The following KIAA0825 variants were observed in gnomAD, a reference collection of about 807,000 sequenced individuals.
The protein encoded by KIAA0825 is uncharacterized protein KIAA0825.
A neutral mutation model predicts 147.6 loss-of-function variants in KIAA0825; 119 were observed. That is an observed-to-expected ratio of 0.81 (90% CI 0.69 to 0.94). The LOEUF (loss-of-function observed/expected upper bound fraction) is 0.94, where lower values mean the gene tolerates loss of function less well. Among genes scored for constraint, KIAA0825 ranks in the 40% least tolerant of loss-of-function variants. The probability of loss-of-function intolerance (pLI) is 0.00; values close to 1 mark genes in which losing one functional copy is unlikely to be tolerated. For synonymous variants in KIAA0825, 470 were observed against 518.1 expected (o/e 0.91, Z 1.26); for missense variants, 1,381 against 1,472.7 (o/e 0.94, Z 1.02).
intron 20 of KIAA0825, among the ~76,000 whole-genome samples, chr5:94,155,768 T>C (rs775539649): frequency 6.6e-5 from 10 of 152,208 alleles, no homozygotes; most frequent in Non-Finnish European, 1.3e-4. Context: ...TTTCTCCACG[T>C]TTCCATATGG....
chr5:94,471,962 C>G (rs917939348), intron 8 of KIAA0825, among the ~76,000 whole-genome samples: 2 of 152,230 alleles, frequency 1.3e-5, no homozygotes, highest in East Asian at 3.9e-4. Flanking sequence ...TTATGCTTAC[C>G]AGACAGACAT....
chr5:94,166,488 G>A (rs1206677440), intron 20 of KIAA0825, among the ~76,000 whole-genome samples: 1 of 145,276 alleles, frequency 6.9e-6, no homozygotes, highest in Non-Finnish European at 1.5e-5. Flanking sequence ...AATAATTCAT[G>A]TCCTTCCTCT....
At chr5:94,364,346 C>T (rs894500243) in intron 20 of KIAA0825, among the ~76,000 whole-genome samples, 4 of 151,418 alleles carry the variant, frequency 2.6e-5, no homozygotes, top group East Asian at 3.9e-4. Flanking sequence ...GTCATTAACA[C>T]GGAGCTCTCA....
At chr5:94,568,024 CA>C in intron 2 of KIAA0825, 1 of 163,588 alleles carries the variant, frequency 6.1e-6, no homozygotes, top group South Asian at 1.9e-4. Flanking sequence ...AAAATGACAT[CA>C]AAAAAATCGT....
intron 12 of KIAA0825, among the ~76,000 whole-genome samples, chr5:94,461,990 A>G (rs1042581696): frequency 6.6e-6 from 1 of 151,892 alleles, no homozygotes; most frequent in Non-Finnish European, 1.5e-5. Flanking sequence ...TTCTATTTCC[A>G]TTTGCCATTG....
intron 5 of KIAA0825, among the ~76,000 whole-genome samples, chr5:94,499,053 C>G (rs1302938944): frequency 1.3e-5 from 2 of 152,190 alleles, no homozygotes; most frequent in Non-Finnish European, 2.9e-5. Context: ...GAAGACACCA[C>G]ATAAAATCAG....
intron 20 of KIAA0825, among the ~76,000 whole-genome samples, chr5:94,361,459 T>C (rs1745051527): frequency 6.6e-6 from 1 of 152,208 alleles, no homozygotes; most frequent in South Asian, 2.1e-4. Flanking sequence ...CTGAACACTT[T>C]GGGGAAATTT....
intron 20 of KIAA0825, among the ~76,000 whole-genome samples, chr5:94,171,070 G>T (rs966089020): frequency 6.6e-6 from 1 of 152,178 alleles, no homozygotes; most frequent in Non-Finnish European, 1.5e-5. Flanking sequence ...TTTGATAGGA[G>T]TGTGATATGG....
At chr5:94,327,226 G>GT (rs981317553) in intron 20 of KIAA0825, among the ~76,000 whole-genome samples, 27 of 152,100 alleles carry the variant, frequency 1.8e-4, no homozygotes, top group African/African-American at 6.3e-4. Flanking sequence ...CAGGGTGCAT[G>GT]TTTCTATGTA....
intron 12 of KIAA0825, among the ~76,000 whole-genome samples, chr5:94,454,598 A>T (rs1052264400): frequency 1.3e-5 from 2 of 152,224 alleles, no homozygotes; most frequent in African/African-American, 4.8e-5. Context: ...GAGCTAGAGA[A>T]GTAGGCAGAA....
intron 1 of KIAA0825, among the ~76,000 whole-genome samples, chr5:94,608,745 A>G (rs1490630977): frequency 6.6e-6 from 1 of 151,096 alleles, no homozygotes; most frequent in Non-Finnish European, 1.5e-5. Context: ...TTTGTTGCCA[A>G]TGATAAAATT....
chr5:94,468,876 T>C (rs7706808), intron 10 of KIAA0825, among the ~76,000 whole-genome samples: 15,108 of 152,170 alleles, frequency 0.099, 887 homozygotes, highest in Middle Eastern at 0.15. Flanking sequence ...AAGGGTAAAA[T>C]GGAAAAGTTA....
chr5:94,412,105 C>G (rs1207518336), intron 15 of KIAA0825, among the ~76,000 whole-genome samples: 2 of 152,042 alleles, frequency 1.3e-5, no homozygotes, highest in Non-Finnish European at 2.9e-5. Flanking sequence ...ATATAAAGAA[C>G]CCTTTACAAC....
At chr5:94,449,879 G>C (rs1295608217) in intron 13 of KIAA0825, among the ~76,000 whole-genome samples, 1 of 152,124 alleles carries the variant, frequency 6.6e-6, no homozygotes, top group Non-Finnish European at 1.5e-5. Context: ...AGGAGTTTGA[G>C]GCCAGCCTGG....
At chr5:94,497,389 C>T (rs1045688805) in intron 5 of KIAA0825, among the ~76,000 whole-genome samples, 11 of 152,056 alleles carry the variant, frequency 7.2e-5, no homozygotes, top group African/African-American at 2.4e-4. Flanking sequence ...ATGTTAATGA[C>T]AGAAAATAAT....
intron 1 of KIAA0825, chr5:94,594,494 T>A (rs1784912027): frequency 1.3e-6 from 1 of 746,684 alleles, no homozygotes; most frequent in Non-Finnish European, 2.5e-6. Flanking sequence ...ATGGAAGCCA[T>A]AATATAACAT....
intron 5 of KIAA0825, among the ~76,000 whole-genome samples, chr5:94,500,428 G>A (rs1194289579): frequency 2.6e-5 from 4 of 152,158 alleles, no homozygotes; most frequent in African/African-American, 9.7e-5. Context: ...CAGGCAAAAT[G>A]TAAAATCTTG....
chr5:94,359,433 AT>A (rs1457355370), intron 20 of KIAA0825, among the ~76,000 whole-genome samples: 3 of 152,184 alleles, frequency 2.0e-5, no homozygotes, highest in Non-Finnish European at 4.4e-5. Context: ...AGTGTTTGTA[AT>A]TCTTAGACTT....
rs542192875 is a variant in KIAA0825, at chr5:94,323,577, T to C, written c.3710+60791A>G. Among the ~76,000 whole-genome samples, 53 of 152,024 alleles carry C rather than the reference T, an allele frequency of 3.5e-4. 1 individual carries two copies. In the Middle Eastern group the frequency reaches 0.01, roughly 29 times the overall value. ...AGACCAAAAAAAAAAAAAAATTAAT[T>C]TGAAAAGTGTATTCAGTAAAAGAAT... On this transcript the variant is annotated intron_variant, in intron 20 of 20. Coordinates refer to ENST00000682413, the MANE Select transcript of KIAA0825 (RefSeq NM_001145678.3).
Sources: allele counts gnomAD v4.1 joint callset (sites outside exome capture counted in the v4.1 genomes callset), GRCh38; gene constraint gnomAD v4.1.1; transcripts MANE v1.5; gene names NCBI Gene and HGNC (gene_info 2026-07-23, HGNC 2026-07-21).